Variants in ADD2 observed in about 807,000 individuals in gnomAD.
ADD2 encodes the protein adducin 2, also known as beta-adducin.
A neutral mutation model predicts 83.0 loss-of-function variants in ADD2; 23 were observed. The ratio of observed to expected loss-of-function variants is 0.28; its 90% CI spans 0.20 to 0.39. The LOEUF (loss-of-function observed/expected upper bound fraction) is 0.39, where lower values mean the gene tolerates loss of function less well. Among genes scored for constraint, ADD2 ranks in the 10% least tolerant of loss-of-function variants. The probability of loss-of-function intolerance (pLI) is 1.00; values close to 1 mark genes in which losing one functional copy is unlikely to be tolerated. For missense variants in ADD2, 758 were observed against 944.9 expected, an observed-to-expected ratio of 0.80 and a Z score of 2.59; for synonymous variants, 375 against 375.4, an observed-to-expected ratio of 1.00 and a Z score of 0.01.
chr2:70,726,506 CTTT>C (rs1322943634), intron 1 of ADD2, among the ~76,000 whole-genome samples: 24 of 152,264 alleles, frequency 1.6e-4, no homozygotes, highest in African/African-American at 5.8e-4. Context: ...TAGTCTCATC[CTTT>C]TTGCTAGGGG....
chr2:70,698,223 G>A (rs1671406778), intron 4 of ADD2, among the ~76,000 whole-genome samples: 2 of 152,160 alleles, frequency 1.3e-5, no homozygotes, highest in Admixed American at 6.5e-5. Flanking sequence ...TAACCATGGG[G>A]CCCCAGTGAT....
chr2:70,669,337 G>T (rs1217596191), intron 15 of ADD2, among the ~76,000 whole-genome samples: 1 of 152,168 alleles, frequency 6.6e-6, no homozygotes, highest in Non-Finnish European at 1.5e-5. Context: ...GGTGGACCAA[G>T]AAATAGAGAT....
intron 1 of ADD2, among the ~76,000 whole-genome samples, chr2:70,757,291 G>T (rs563368162): frequency 0.021 from 1,407 of 65,478 alleles, 26 homozygotes; most frequent in African/African-American, 0.14. Flanking sequence ...GGATTTGTGG[G>T]GGGGGGGGAT....
At chr2:70,764,297 G>A (rs1675269784) in intron 1 of ADD2, among the ~76,000 whole-genome samples, 1 of 151,956 alleles carries the variant, frequency 6.6e-6, no homozygotes, top group South Asian at 2.1e-4. Context: ...CTTTTCTGTT[G>A]TGTTTTTACT....
rs539717924 is a variant in ADD2, at chr2:70,659,921, G to A, written c.*3504C>T. Reference sequence around the variant, plus strand: ...TCAGCCAGCCACAGAGCAGCACATTGGTTCAAATGTTACCCTTTTCTCTGG... The same window carrying A: ...TCAGCCAGCCACAGAGCAGCACATTAGTTCAAATGTTACCCTTTTCTCTGG... On this transcript the variant is annotated 3_prime_UTR_variant, in exon 16 of 16. Transcript: ENST00000264436. 6.6e-6 allele frequency: 1 copy of A among 152,248 alleles called. No individual in the cohort carries two copies. Among genetic ancestry groups the A allele is most frequent in the Non-Finnish European group, 1.5e-5 (1 of 68,072 alleles). 9.4% of individuals were successfully genotyped at this position (152,248 alleles called of 1,614,324 possible).
chr2:70,756,407 T>C (rs1553383865), intron 1 of ADD2, among the ~76,000 whole-genome samples: 2 of 152,166 alleles, frequency 1.3e-5, no homozygotes, highest in Non-Finnish European at 2.9e-5. Flanking sequence ...CAGATAACAA[T>C]TCATGTGAAT....
In ADD2 at chr2:70,676,047, T is replaced by C. The variant is rs781879553; in HGVS notation, c.1593+749A>G. 5 of 985,416 alleles carry C rather than the reference T, an allele frequency of 5.1e-6. No homozygotes were observed. Among genetic ancestry groups the C allele is most frequent in the Non-Finnish European group, 4.8e-6 (4 of 829,934 alleles). The allele number at this position is 985,416 out of a possible 1,614,324, so 61.0% of individuals were successfully genotyped here. A position where few individuals can be genotyped will look rare whatever the true frequency, so the allele number is the denominator to read the frequency against. ...GGCACCCACCCTGTGGGCTGCAGTC[T>C]TGACCTGAAATCATTGCATCATCAC... On this transcript the variant is annotated intron_variant, in intron 13 of 15. Transcript: ENST00000264436. This position sits in a 1 kb window ranked among gnomAD's most constrained non-coding sequence, Gnocchi z 4.8.
At chr2:70,665,555 C>T (rs1675752352) in intron 15 of ADD2, among the ~76,000 whole-genome samples, 2 of 152,190 alleles carry the variant, frequency 1.3e-5, no homozygotes, top group Admixed American at 6.5e-5. Context: ...ATTCCCACTT[C>T]GCCTGCTTCC....
intron 1 of ADD2, among the ~76,000 whole-genome samples, chr2:70,758,208 G>C (rs1295415378): frequency 6.6e-6 from 1 of 152,174 alleles, no homozygotes; most frequent in Admixed American, 6.5e-5. Flanking sequence ...ATTTCATCAA[G>C]ATTTTCACAG....
rs1675541785 is a variant in ADD2 at position 70,661,696 on chromosome 2, T to A, written c.*1729A>T. On this transcript the variant is annotated 3_prime_UTR_variant, in exon 16 of 16. Coordinates refer to ENST00000264436, the MANE Select transcript of ADD2 (RefSeq NM_001617.4). ...GGAACTTCACGTGCAGTGATGAGGA[T>A]GAGCACAGGGTGTTCCCTACCTTTG... The A allele has an allele frequency of 6.6e-6, 1 of 152,262 alleles. No homozygotes were observed. Among genetic ancestry groups the A allele is most frequent in the Non-Finnish European group, 1.5e-5 (1 of 68,068 alleles). 9.4% of individuals were successfully genotyped at this position (152,262 alleles called of 1,614,324 possible).
rs879963836 is a variant in ADD2, at chr2:70,689,943, G to A, written c.849+843C>T. 2.0e-5 allele frequency among the ~76,000 whole-genome samples: 3 copies of A among 152,128 alleles called. No individual in the cohort carries two copies. The South Asian group carries it at 6.2e-4, about 32-fold the overall frequency. ...CATGGGGTGGAAGAGTGAACAAACC[G>A]TGTGGGGCAATTTGGCGGCATGAAG... is the stretch of plus-strand genomic sequence containing the variant. On this transcript the variant is annotated intron_variant, in intron 8 of 15. Coordinates refer to ENST00000264436, the MANE Select transcript of ADD2 (RefSeq NM_001617.4).
chr2:70,757,539 A>G (rs1462391627), intron 1 of ADD2, among the ~76,000 whole-genome samples: 2 of 152,212 alleles, frequency 1.3e-5, no homozygotes, highest in African/African-American at 4.8e-5. Context: ...CTAATTTAAG[A>G]CACAAATGAG....
chr2:70,726,058 G>T (rs559307743), intron 1 of ADD2, among the ~76,000 whole-genome samples: 4 of 151,720 alleles, frequency 2.6e-5, no homozygotes, highest in African/African-American at 9.7e-5. Flanking sequence ...GTAGTGGCAG[G>T]CGCCTGTAGT....
intron 13 of ADD2, chr2:70,675,777 G>A (rs1574225277): frequency 4.1e-6 from 4 of 985,384 alleles, no homozygotes; most frequent in Non-Finnish European, 3.6e-6. Context: ...GGAGTCAACC[G>A]AGAATCCAAG....
intron 10 of ADD2, among the ~76,000 whole-genome samples, chr2:70,682,749 T>C (rs889118204): frequency 4.6e-5 from 7 of 152,186 alleles, no homozygotes; most frequent in Non-Finnish European, 7.3e-5. Context: ...GAAGAAAGAA[T>C]GTCTTAAAAT....
intron 1 of ADD2, among the ~76,000 whole-genome samples, chr2:70,729,823 C>G (rs782557360): frequency 6.6e-6 from 1 of 152,144 alleles, no homozygotes; most frequent in Non-Finnish European, 1.5e-5. Flanking sequence ...CTAGAGTAGA[C>G]CAGACTGTGA....
intron 14 of ADD2, 162 bp from the exon 15 acceptor site, chr2:70,673,168 G>A: frequency 6.3e-7 from 1 of 1,580,544 alleles, no homozygotes. Context: ...GACCTTCTTA[G>A]ATTTCTGCTA....
chr2:70,663,689 G>C lies in ADD2; in HGVS notation c.1917C>G (p.Pro639=), dbSNP rs1553365538. The change falls in exon 16 of 16, where the codon CCC becomes CCG. Residue 639 remains proline (P), a synonymous_variant. Transcript: ENST00000264436. The part of the protein sequence containing the change: ...TETSKAATTE[P]ETTQPEGVVV... ...CCACCCCTTCCGGCTGGGTTGTTTC[G>C]GGCTCTGTGGTGGCGGCTTTGCTTG... is the stretch of plus-strand genomic sequence containing the variant. The C allele has an allele frequency of 6.2e-7, 1 of 1,613,994 alleles. No individual in the cohort carries two copies. The highest frequency in any genetic ancestry group is 1.7e-5 in the Admixed American group (1 of 60,014).
chr2:70,718,054 T>A (rs1177985780), intron 1 of ADD2, among the ~76,000 whole-genome samples: 1 of 152,188 alleles, frequency 6.6e-6, no homozygotes, highest in Non-Finnish European at 1.5e-5. Flanking sequence ...GCAGACCCCA[T>A]AAGTACTTAT....
Sources: allele counts gnomAD v4.1 joint callset (sites outside exome capture counted in the v4.1 genomes callset), GRCh38; gene constraint gnomAD v4.1.1; non-coding constraint Gnocchi (gnomAD v3.1); transcripts MANE v1.5; gene names NCBI Gene and HGNC (gene_info 2026-07-23, HGNC 2026-07-21).